The following RBFOX1 variants were observed in gnomAD, a reference collection of about 807,000 sequenced individuals.
The protein encoded by RBFOX1 is RNA binding protein fox-1 homolog 1.
A neutral mutation model predicts 57.7 loss-of-function variants in RBFOX1; 8 were observed. The ratio of observed to expected loss-of-function variants is 0.14; its 90% CI spans 0.08 to 0.25. The LOEUF (loss-of-function observed/expected upper bound fraction) is 0.25, where lower values mean the gene tolerates loss of function less well. Among genes scored for constraint, RBFOX1 ranks in the 10% least tolerant of loss-of-function variants. The pLI is 1.00. For missense variants in RBFOX1, 611 were observed against 548.5 expected (o/e 1.11, Z -1.14); for synonymous variants, 326 against 222.4 (o/e 1.47, Z -4.15).
chr16:6,478,423 A>ATTTTTTTTTTTTTT (rs1404224606), intron 2 of RBFOX1, among the ~76,000 whole-genome samples: 1 of 11,988 alleles, frequency 8.3e-5, no homozygotes, highest in African/African-American at 2.1e-4. Flanking sequence ...ATATATATAT[A>ATTTTTTTTTTTTTT]TATATATTTT....
chr16:6,741,613 G>A (rs1488521716), intron 3 of RBFOX1, among the ~76,000 whole-genome samples: 1 of 150,818 alleles, frequency 6.6e-6, no homozygotes, highest in Non-Finnish European at 1.5e-5. Flanking sequence ...AGGTTGCGGT[G>A]AGCCGAGATC....
intron 3 of RBFOX1, among the ~76,000 whole-genome samples, chr16:6,784,457 G>A (rs1343861106): frequency 6.6e-6 from 1 of 151,946 alleles, no homozygotes; most frequent in Non-Finnish European, 1.5e-5. Flanking sequence ...ATTTCTGTTT[G>A]ATTTTTTTGT....
At chr16:7,386,300 G>C (rs535742126) in intron 4 of RBFOX1, among the ~76,000 whole-genome samples, 1 of 152,154 alleles carries the variant, frequency 6.6e-6, no homozygotes, top group Admixed American at 6.5e-5. Context: ...TTGTTACATA[G>C]CTATACATGT....
chr16:6,781,964 C>A (rs930630163), intron 3 of RBFOX1, among the ~76,000 whole-genome samples: 5 of 151,978 alleles, frequency 3.3e-5, no homozygotes, highest in Non-Finnish European at 7.4e-5. Flanking sequence ...TCTTACTTTT[C>A]TAGTTCTTTA....
chr16:5,977,481 G>C (rs535443913), intron 4 of RBFOX1, among the ~76,000 whole-genome samples: 1 of 152,144 alleles, frequency 6.6e-6, no homozygotes, highest in East Asian at 1.9e-4. Flanking sequence ...GGAGAGACAC[G>C]TACTTGGGGC....
intron 14 of RBFOX1, among the ~76,000 whole-genome samples, chr16:7,694,411 C>T (rs555023631): frequency 6.6e-6 from 1 of 152,290 alleles, no homozygotes; most frequent in Non-Finnish European, 1.5e-5. Context: ...GGACAGAGAG[C>T]TAGGAACATG....
chr16:6,759,951 G>C (rs1483850618), intron 3 of RBFOX1, among the ~76,000 whole-genome samples: 2 of 152,188 alleles, frequency 1.3e-5, no homozygotes, highest in Non-Finnish European at 2.9e-5. Flanking sequence ...TATTAGTTGA[G>C]AGGATATTTT....
chr16:6,299,248 T>A (rs928501746), intron 1 of RBFOX1, among the ~76,000 whole-genome samples: 1 of 152,194 alleles, frequency 6.6e-6, no homozygotes, highest in South Asian at 2.1e-4. Context: ...CCTTTTCCTA[T>A]TTTTGCTCTT....
intron 4 of RBFOX1, among the ~76,000 whole-genome samples, chr16:7,484,073 A>G (rs938460195): frequency 9.9e-5 from 15 of 152,188 alleles, no homozygotes; most frequent in African/African-American, 3.6e-4. Flanking sequence ...TTCATAATAA[A>G]TGGAATCATA....
At chr16:6,098,680 A>C (rs2096272143) in intron 1 of RBFOX1, among the ~76,000 whole-genome samples, 3 of 152,188 alleles carry the variant, frequency 2.0e-5, no homozygotes, top group Admixed American at 2.0e-4. Flanking sequence ...TTCCACCAAA[A>C]AGCTCATCAT....
intron 4 of RBFOX1, among the ~76,000 whole-genome samples, chr16:7,154,127 T>C (rs1247478403): frequency 1.3e-5 from 2 of 152,210 alleles, no homozygotes; most frequent in African/African-American, 4.8e-5. Flanking sequence ...AGATTGTTTT[T>C]GCACATCATA....
chr16:5,676,673 C>T (rs564608921), intron 3 of RBFOX1, among the ~76,000 whole-genome samples: 8 of 152,244 alleles, frequency 5.3e-5, no homozygotes, highest in Non-Finnish European at 7.4e-5. Context: ...CCAGCCTGGC[C>T]AATGTGACAA....
chr16:6,595,804 T>G lies in RBFOX1; in HGVS notation c.-63-58799T>G, dbSNP rs117842910. 2.0e-3 allele frequency among the ~76,000 whole-genome samples: 307 copies of G among 152,322 alleles called. 7 individuals carry two copies. The East Asian group carries it at 0.048, about 24-fold the overall frequency. ...ATTTGACTTGCATTTCCCTAATGAT[T>G]ACTGGCATTAAGCATCTTTTTAATG... On this transcript the variant is annotated intron_variant, in intron 2 of 15. Coordinates refer to ENST00000550418, the MANE Select transcript of RBFOX1 (RefSeq NM_018723.4).
intron 4 of RBFOX1, among the ~76,000 whole-genome samples, chr16:7,211,172 A>T (rs2091051426): frequency 6.6e-6 from 1 of 151,672 alleles, no homozygotes; most frequent in African/African-American, 2.4e-5. Context: ...TGGGGGGATC[A>T]TGAGGTCAGG....
chr16:5,706,209 C>A (rs2051242284), intron 3 of RBFOX1, among the ~76,000 whole-genome samples: 2 of 152,192 alleles, frequency 1.3e-5, no homozygotes, highest in African/African-American at 2.4e-5. Flanking sequence ...TGGCTCCCGG[C>A]CATGTTGCTT....
intron 1 of RBFOX1, among the ~76,000 whole-genome samples, chr16:5,323,826 G>T (rs1275508268): frequency 6.6e-6 from 1 of 152,226 alleles, no homozygotes; most frequent in Non-Finnish European, 1.5e-5. Context: ...GTGCCAACTG[G>T]CTGAGTGTCC....
At chr16:6,681,318 G>GA (rs112061600) in intron 3 of RBFOX1, among the ~76,000 whole-genome samples, 14,324 of 151,290 alleles carry the variant, frequency 0.095, 979 homozygotes, top group African/African-American at 0.2. Context: ...AGCCTGTCTG[G>GA]AAAAAAAACA....
Position 7,577,592 on chromosome 16 carries a change from C to T in RBFOX1, c.271-2185C>T, listed in dbSNP as rs35998916. Reference sequence around the variant, plus strand: ...AAGGTTACTCAGCCCTTTGTGATTGCCTCTTATCCCAACATTTACCAGTCT... The same window carrying T: ...AAGGTTACTCAGCCCTTTGTGATTGTCTCTTATCCCAACATTTACCAGTCT... On this transcript the variant is annotated intron_variant, in intron 5 of 15. Coordinates refer to ENST00000550418, the MANE Select transcript of RBFOX1 (RefSeq NM_018723.4). Among the ~76,000 whole-genome samples, 1,008 of 152,328 alleles carry T rather than the reference C, an allele frequency of 6.6e-3. 12 individuals are homozygous for T. The highest frequency in any genetic ancestry group is 0.023 in the African/African-American group (958 of 41,570).
intron 4 of RBFOX1, among the ~76,000 whole-genome samples, chr16:7,398,876 C>T (rs543016497): frequency 5.3e-5 from 8 of 152,254 alleles, no homozygotes; most frequent in Admixed American, 2.0e-4. Context: ...CTAGAGGGTT[C>T]CCTATTCATT....
Sources: gnomAD v4.1 joint callset for allele counts (sites outside exome capture counted in the v4.1 genomes callset) on GRCh38, gnomAD v4.1.1 for gene constraint, MANE v1.5 for transcripts, NCBI Gene and HGNC (gene_info 2026-07-23, HGNC 2026-07-21) for gene names.